SORCS1: variants seen among roughly 807,000 people sequenced by gnomAD.
SORCS1 encodes the protein sortilin related VPS10 domain containing receptor 1.
Under a neutral mutation model 146.1 loss-of-function variants are expected in SORCS1, and 60 were observed. The observed-to-expected ratio is 0.41, with a 90% confidence interval of 0.33 to 0.51. SORCS1 has a LOEUF of 0.51. SORCS1 is among the 20% of genes least tolerant of loss of function. SORCS1 has a pLI of 0.21. For synonymous variants in SORCS1, 637 were observed against 584.0 expected (o/e 1.09, Z -1.31); for missense variants, 1,352 against 1,487.6 (o/e 0.91, Z 1.50).
At chr10:106,670,696 ATTTT>A (rs563511704) in intron 16 of SORCS1, among the ~76,000 whole-genome samples, 2 of 132,020 alleles carry the variant, frequency 1.5e-5, no homozygotes, top group East Asian at 2.2e-4. Flanking sequence ...GAATCTGCCC[ATTTT>A]TTTTTTTTTT....
chr10:106,694,037 T>C (rs1853503097), intron 9 of SORCS1, among the ~76,000 whole-genome samples: 1 of 152,184 alleles, frequency 6.6e-6, no homozygotes. Flanking sequence ...AGAGAACATA[T>C]TCATGGCCAC....
At chr10:106,621,824 C>T (rs1042649396) in intron 19 of SORCS1, among the ~76,000 whole-genome samples, 1 of 152,242 alleles carries the variant, frequency 6.6e-6, no homozygotes. Flanking sequence ...AGCTCACCCT[C>T]CCTAATCTGG....
chr10:106,616,948 CTTT>C (rs1847404378), intron 21 of SORCS1, among the ~76,000 whole-genome samples: 3 of 145,268 alleles, frequency 2.1e-5, no homozygotes, highest in Admixed American at 6.8e-5. Context: ...CTCTCTTGCT[CTTT>C]CTTTTTTTTT....
intron 24 of SORCS1, among the ~76,000 whole-genome samples, chr10:106,581,702 C>G (rs1844927351): frequency 6.6e-6 from 1 of 152,128 alleles, no homozygotes; most frequent in Non-Finnish European, 1.5e-5. Flanking sequence ...CCCACAACCT[C>G]CAACCACTGG....
intron 18 of SORCS1, among the ~76,000 whole-genome samples, chr10:106,634,904 G>A (rs1440692377): frequency 1.3e-5 from 2 of 152,136 alleles, no homozygotes; most frequent in Non-Finnish European, 2.9e-5. Flanking sequence ...CAAACATCTA[G>A]ACTATTATAA....
intron 17 of SORCS1, among the ~76,000 whole-genome samples, chr10:106,665,833 GTTTT>G (rs910395620): frequency 2.6e-5 from 4 of 151,942 alleles, no homozygotes; most frequent in African/African-American, 7.2e-5. Flanking sequence ...ACTTCTGTGG[GTTTT>G]TTGTTTGTTT....
intron 18 of SORCS1, among the ~76,000 whole-genome samples, chr10:106,645,876 G>A (rs1280944455): frequency 2.0e-5 from 3 of 151,920 alleles, no homozygotes; most frequent in African/African-American, 7.3e-5. Context: ...TATTATTATA[G>A]ATACCTTTCT....
Position 106,793,510 on chromosome 10 carries a change from T to C in SORCS1, c.727-16818A>G, listed in dbSNP as rs146268797. Among the ~76,000 whole-genome samples the C allele has an allele frequency of 2.0e-5, 3 of 152,268 alleles. No homozygotes were observed. In the East Asian group the frequency reaches 5.8e-4, roughly 29 times the overall value. ...TTTAAGCAGGGGAAGAGAAAGAGTATAGCTCATTCAGAATGATCACTTTGG... is the reference window on the plus strand; with the variant it reads ...TTTAAGCAGGGGAAGAGAAAGAGTACAGCTCATTCAGAATGATCACTTTGG... On this transcript the variant is annotated intron_variant, in intron 3 of 25. Coordinates refer to ENST00000263054, the MANE Select transcript of SORCS1 (RefSeq NM_052918.5).
chr10:106,949,842 T>C (rs913250193), intron 2 of SORCS1, among the ~76,000 whole-genome samples: 1 of 152,236 alleles, frequency 6.6e-6, no homozygotes, highest in East Asian at 1.9e-4. Context: ...CTGCAGGTTG[T>C]GTGCTGCTTT....
chr10:106,987,104 TA>T (rs1295110436), intron 1 of SORCS1, among the ~76,000 whole-genome samples: 1 of 152,234 alleles, frequency 6.6e-6, no homozygotes, highest in African/African-American at 2.4e-5. Context: ...TTTTCACTCC[TA>T]ATAGGCTTTT....
At chr10:107,017,223 G>T (rs542065554) in intron 1 of SORCS1, among the ~76,000 whole-genome samples, 10 of 152,236 alleles carry the variant, frequency 6.6e-5, no homozygotes, top group African/African-American at 2.4e-4. Context: ...ACTATTTGTA[G>T]CAACTAAAAA....
intron 5 of SORCS1, among the ~76,000 whole-genome samples, chr10:106,745,046 T>G (rs1857621004): frequency 6.6e-6 from 1 of 152,074 alleles, no homozygotes; most frequent in East Asian, 1.9e-4. Flanking sequence ...CCTTAATTAG[T>G]AGGTCAACAG....
intron 1 of SORCS1, among the ~76,000 whole-genome samples, chr10:107,116,706 C>T (rs1966062000): frequency 6.6e-6 from 1 of 152,148 alleles, no homozygotes; most frequent in South Asian, 2.1e-4. Context: ...TTAAGATGAA[C>T]AAATTCCAGG....
intron 1 of SORCS1, among the ~76,000 whole-genome samples, chr10:106,991,768 A>G (rs1536673): frequency 0.22 from 34,165 of 152,226 alleles, 4,684 homozygotes; most frequent in Middle Eastern, 0.35. Context: ...CAGTAAAGAG[A>G]AAAAGACAGA....
chr10:107,026,347 T>C (rs568650769), intron 1 of SORCS1, among the ~76,000 whole-genome samples: 1 of 152,278 alleles, frequency 6.6e-6, no homozygotes, highest in Admixed American at 6.5e-5. Flanking sequence ...TGGCCGGGCA[T>C]GGTGGCTCAC....
intron 1 of SORCS1, among the ~76,000 whole-genome samples, chr10:107,022,869 T>A (rs998260600): frequency 6.6e-6 from 1 of 152,166 alleles, no homozygotes; most frequent in African/African-American, 2.4e-5. Context: ...AGGTGTAAGA[T>A]GGGAGGAGCT....
intron 5 of SORCS1, among the ~76,000 whole-genome samples, chr10:106,756,072 T>G (rs546938891): frequency 5.3e-5 from 8 of 151,854 alleles, no homozygotes; most frequent in South Asian, 2.1e-4. Context: ...GAGGTGGCAA[T>G]GAGCTGAGAT....
intron 2 of SORCS1, among the ~76,000 whole-genome samples, chr10:106,923,506 T>A (rs887643764): frequency 6.6e-6 from 1 of 152,214 alleles, no homozygotes; most frequent in Non-Finnish European, 1.5e-5. Context: ...GATCTTACAG[T>A]AAGATTATGT....
At chr10:107,134,007 G>A (rs1206426435) in intron 1 of SORCS1, among the ~76,000 whole-genome samples, 1 of 152,178 alleles carries the variant, frequency 6.6e-6, no homozygotes, top group Non-Finnish European at 1.5e-5. Flanking sequence ...TTCTGTGTGA[G>A]TCAGAATTCT....
Sources: gnomAD v4.1 joint callset for allele counts (sites outside exome capture counted in the v4.1 genomes callset) on GRCh38, gnomAD v4.1.1 for gene constraint, MANE v1.5 for transcripts, NCBI Gene and HGNC (gene_info 2026-07-23, HGNC 2026-07-21) for gene names.